Variants in GYPC observed in about 807,000 individuals in gnomAD.
GYPC encodes the protein glycophorin-C.
Under a neutral mutation model 12.6 loss-of-function variants are expected in GYPC, and 14 were observed. The ratio of observed to expected loss-of-function variants is 1.11; its 90% CI spans 0.74 to 1.74. The LOEUF is 1.74. Ranked by LOEUF, GYPC falls within the 40% of genes most tolerant of loss-of-function variation. The probability of loss-of-function intolerance (pLI) is 0.00; values close to 1 mark genes in which losing one functional copy is unlikely to be tolerated. For synonymous variants in GYPC, 78 were observed against 62.1 expected (o/e 1.26, Z -1.20); for missense variants, 225 against 172.1 (o/e 1.31, Z -1.72).
Position 126,696,522 on chromosome 2 carries a change from G to A in GYPC, c.*380G>A, listed in dbSNP as rs1275511958. On this transcript the variant is annotated 3_prime_UTR_variant, in exon 4 of 4. Transcript: ENST00000259254. ...GGGGGCTGGGGAAGCAAGGAAATAAGTCATCTGTATGCTGACTGGGGATAA... is the reference window on the plus strand; with the variant it reads ...GGGGGCTGGGGAAGCAAGGAAATAAATCATCTGTATGCTGACTGGGGATAA... 2.9e-6 allele frequency: 1 copy of A among 343,758 alleles called. No homozygotes were observed. The highest frequency in any genetic ancestry group is 5.7e-6 in the Non-Finnish European group (1 of 175,870). The allele number at this position is 343,758 out of a possible 1,614,324, so 21.3% of individuals were successfully genotyped here.
intron 1 of GYPC, among the ~76,000 whole-genome samples, chr2:126,661,468 T>C (rs1201598883): frequency 6.6e-6 from 1 of 151,718 alleles, no homozygotes; most frequent in Non-Finnish European, 1.5e-5. Context: ...TTTTTTTTTT[T>C]TGATACGGAG....
intron 1 of GYPC, among the ~76,000 whole-genome samples, chr2:126,681,980 G>A (rs1006608578): frequency 6.6e-6 from 1 of 152,204 alleles, no homozygotes; most frequent in African/African-American, 2.4e-5. Context: ...GACCCCAGGA[G>A]CATGGTGCGC....
intron 1 of GYPC, among the ~76,000 whole-genome samples, chr2:126,683,613 T>C (rs1683208442): frequency 1.3e-5 from 2 of 152,226 alleles, no homozygotes; most frequent in Non-Finnish European, 1.5e-5. Context: ...GGTTATGGTG[T>C]TGAAGTAAGG....
intron 1 of GYPC, among the ~76,000 whole-genome samples, chr2:126,677,382 AGT>A (rs749549431): frequency 2.7e-4 from 40 of 148,366 alleles, no homozygotes; most frequent in Non-Finnish European, 4.8e-4. Flanking sequence ...TAGGAGTGTG[AGT>A]GTGTTTATTA....
Position 126,696,182 on chromosome 2 carries a change from T to C in GYPC, c.*40T>C, listed in dbSNP as rs1406110607. On this transcript the variant is annotated 3_prime_UTR_variant, in exon 4 of 4. Transcript: ENST00000259254. The stretch of plus-strand genomic sequence containing the variant: ...CACTTCCCTGAATGCCTCCCCCATC[T>C]CCATCAGGAAAAATACACCCCATCG... The C allele has an allele frequency of 1.4e-6, 2 of 1,465,370 alleles. No individual in the cohort carries two copies. The highest frequency in any genetic ancestry group is 1.4e-5 in the African/African-American group (1 of 71,796). The allele number at this position is 1,465,370 out of a possible 1,614,324, so 90.8% of individuals were successfully genotyped here. A position where few individuals can be genotyped will look rare whatever the true frequency, so the allele number is the denominator to read the frequency against.
In GYPC at chr2:126,656,271, C is replaced by A; in HGVS notation, c.8C>A (p.Ser3Ter). The part of the protein sequence containing the change: MW[S>*]TRSPNSTAWP... The stretch of plus-strand genomic sequence containing the variant: ...CCGGGCTGACGCCCAGGAATGTGGT[C>A]GACGAGAAGCCCCAACAGCACGGCG... The change falls in exon 1 of 4, where the codon TCG (serine) becomes TAG (stop). Residue 3 changes from serine (S) to a stop codon, truncating the protein, a stop_gained. Transcript: ENST00000259254. LOFTEE classifies it high-confidence loss of function. 1 of 1,603,520 alleles carries A rather than the reference C, an allele frequency of 6.2e-7. No individual in the cohort carries two copies. Among genetic ancestry groups the A allele is most frequent in the Non-Finnish European group, 8.5e-7 (1 of 1,176,670 alleles).
In GYPC at chr2:126,665,819, T is replaced by C. The variant is rs1360957810; in HGVS notation, c.49+9507T>C. 2.0e-5 allele frequency among the ~76,000 whole-genome samples: 3 copies of C among 152,346 alleles called. No individual in the cohort carries two copies. The East Asian group carries it at 5.8e-4, about 29-fold the overall frequency. ...AGGCATCACACAGATGCAGATATTA[T>C]TAATTCCAGTTTAGGAAGACAAAAA... On this transcript the variant is annotated intron_variant, in intron 1 of 3. Transcript: ENST00000259254.
At chr2:126,669,402 G>A (rs1682778217) in intron 1 of GYPC, among the ~76,000 whole-genome samples, 1 of 152,116 alleles carries the variant, frequency 6.6e-6, no homozygotes, top group Admixed American at 6.5e-5. Flanking sequence ...CCAACCCCTA[G>A]TCTATCTCTT....
At chr2:126,660,202 G>T (rs1054924926) in intron 1 of GYPC, among the ~76,000 whole-genome samples, 1 of 152,210 alleles carries the variant, frequency 6.6e-6, no homozygotes, top group African/African-American at 2.4e-5. Context: ...AGACACTCAG[G>T]ACCCGCCTGC....
intron 1 of GYPC, among the ~76,000 whole-genome samples, chr2:126,659,775 CTTTTCT>C: frequency 6.7e-6 from 1 of 148,720 alleles, no homozygotes; most frequent in African/African-American, 2.5e-5. Flanking sequence ...CTTTTTCTTT[CTTTTCT>C]TTTTTTTTTT....
chr2:126,661,668 T>A (rs28387097), intron 1 of GYPC, among the ~76,000 whole-genome samples: 60 of 152,310 alleles, frequency 3.9e-4, no homozygotes, highest in African/African-American at 1.3e-3. Flanking sequence ...GTCAGGCTGG[T>A]CTCGAACTCC....
intron 1 of GYPC, among the ~76,000 whole-genome samples, chr2:126,683,361 A>G (rs1000304579): frequency 2.6e-5 from 4 of 152,136 alleles, no homozygotes; most frequent in Non-Finnish European, 4.4e-5. Flanking sequence ...TAAACTACAA[A>G]TGCTGCACCA....
rs543522030 is a variant in GYPC at position 126,674,781 on chromosome 2, G to A, written c.50-15474G>A. 5.3e-5 allele frequency among the ~76,000 whole-genome samples: 8 copies of A among 152,170 alleles called. No homozygotes were observed. The South Asian group carries it at 8.3e-4, about 16-fold the overall frequency. ...TCTGGCTGGAGGGGTTCACCCCTCC[G>A]AATCCCACCCCTGCCACACACACAC... On this transcript the variant is annotated intron_variant, in intron 1 of 3. Transcript: ENST00000259254.
At chr2:126,660,589 G>T (rs1458458245) in intron 1 of GYPC, among the ~76,000 whole-genome samples, 1 of 152,086 alleles carries the variant, frequency 6.6e-6, no homozygotes, top group East Asian at 1.9e-4. Context: ...CAGGGGCTCT[G>T]TGACCCCGCC....
chr2:126,666,708 T>TACACACACACACAC (rs67904410), intron 1 of GYPC, among the ~76,000 whole-genome samples: 4 of 118,422 alleles, frequency 3.4e-5, no homozygotes, highest in Admixed American at 8.4e-5. Context: ...CCTCCCTCCC[T>TACACACACACACAC]ACACACACAC....
chr2:126,694,047 G>A (rs1334769932), intron 3 of GYPC, 100 bp downstream of exon 3: 6 of 839,014 alleles, frequency 7.2e-6, no homozygotes, highest in Non-Finnish European at 1.2e-5. Flanking sequence ...AGTGGTGGCT[G>A]TGGCCATTTT....
chr2:126,692,709 A>G (rs1210031856), intron 2 of GYPC, among the ~76,000 whole-genome samples: 1 of 152,080 alleles, frequency 6.6e-6, no homozygotes, highest in Non-Finnish European at 1.5e-5. Flanking sequence ...AAGCTGTGAA[A>G]AAACACACTC....
At chr2:126,687,761 T>G (rs1291120501) in intron 1 of GYPC, among the ~76,000 whole-genome samples, 1 of 152,172 alleles carries the variant, frequency 6.6e-6, no homozygotes, top group African/African-American at 2.4e-5. Flanking sequence ...GCCCCGAAGC[T>G]CTCAGGTCCT....
chr2:126,671,444 T>C (rs1208128137), intron 1 of GYPC, among the ~76,000 whole-genome samples: 1 of 152,104 alleles, frequency 6.6e-6, no homozygotes, highest in Non-Finnish European at 1.5e-5. Flanking sequence ...GGGAGCAACC[T>C]CTCCACGCAC....
Sources: allele counts gnomAD v4.1 joint callset (sites outside exome capture counted in the v4.1 genomes callset), GRCh38; gene constraint gnomAD v4.1.1; transcripts MANE v1.5; gene names NCBI Gene and HGNC (gene_info 2026-07-23, HGNC 2026-07-21).